PRPSAP2: variants seen among roughly 807,000 people sequenced by gnomAD.
The protein encoded by PRPSAP2 is phosphoribosyl pyrophosphate synthetase associated protein 2, also known as phosphoribosyl pyrophosphate synthase-associated protein 2.
Under a neutral mutation model 40.6 loss-of-function variants are expected in PRPSAP2, and 24 were observed. The ratio of observed to expected loss-of-function variants is 0.59; its 90% CI spans 0.43 to 0.83. The LOEUF (loss-of-function observed/expected upper bound fraction) is 0.83, where lower values mean the gene tolerates loss of function less well. PRPSAP2 is among the 40% of genes least tolerant of loss of function. The pLI, the probability that PRPSAP2 is intolerant of heterozygous loss-of-function variation, is 0.00. For synonymous variants in PRPSAP2, 149 were observed against 164.7 expected, an observed-to-expected ratio of 0.90 and a Z score of 0.73; for missense variants, 292 against 465.6, an observed-to-expected ratio of 0.63 and a Z score of 3.43.
At chr17:18,899,829 C>A (rs1371579821) in intron 8 of PRPSAP2, among the ~76,000 whole-genome samples, 1 of 151,980 alleles carries the variant, frequency 6.6e-6, no homozygotes, top group African/African-American at 2.4e-5. Flanking sequence ...AGCCACCACC[C>A]CCAGCCCAAC....
At chr17:18,929,358 A>AAAGAAT (rs1555566539) in intron 11 of PRPSAP2, among the ~76,000 whole-genome samples, 2 of 144,770 alleles carry the variant, frequency 1.4e-5, no homozygotes, top group African/African-American at 5.1e-5. Context: ...CTCTTGTCTC[A>AAAGAAT]AATAATAATA....
intron 10 of PRPSAP2, among the ~76,000 whole-genome samples, chr17:18,924,768 CAAAA>C (rs869181375): frequency 4.7e-5 from 4 of 84,728 alleles, no homozygotes; most frequent in African/African-American, 8.5e-5. Flanking sequence ...GGCTGTGTCT[CAAAA>C]AAAAAAAAAA....
intron 5 of PRPSAP2, among the ~76,000 whole-genome samples, chr17:18,877,028 A>G (rs2038350593): frequency 6.6e-6 from 1 of 151,074 alleles, no homozygotes. Flanking sequence ...GAAAGAGAGG[A>G]CACATGAGCA....
intron 8 of PRPSAP2, among the ~76,000 whole-genome samples, chr17:18,909,675 T>C (rs1237755961): frequency 6.6e-6 from 1 of 151,744 alleles, no homozygotes; most frequent in Non-Finnish European, 1.5e-5. Flanking sequence ...GAGGCCACGG[T>C]GGGCAGATCA....
chr17:18,903,927 A>G (rs2040431759), intron 8 of PRPSAP2, among the ~76,000 whole-genome samples: 1 of 152,130 alleles, frequency 6.6e-6, no homozygotes, highest in African/African-American at 2.4e-5. Flanking sequence ...GCCACATGCA[A>G]ATTCTGATCC....
chr17:18,929,303 G>C (rs1464333737), intron 11 of PRPSAP2, among the ~76,000 whole-genome samples: 8 of 151,918 alleles, frequency 5.3e-5, no homozygotes. Flanking sequence ...GCTGCAGTGA[G>C]CCGAGATTGT....
chr17:18,909,449 T>A (rs2040819605), intron 8 of PRPSAP2, among the ~76,000 whole-genome samples: 1 of 151,890 alleles, frequency 6.6e-6, no homozygotes, highest in African/African-American at 2.4e-5. Context: ...TTTCACCGTG[T>A]TAGCCAGGAT....
At chr17:18,895,724 C>G (rs1284204081) in intron 8 of PRPSAP2, among the ~76,000 whole-genome samples, 1 of 152,016 alleles carries the variant, frequency 6.6e-6, no homozygotes, top group East Asian at 1.9e-4. Context: ...CTCCTGGGTT[C>G]CAGCGATTCT....
chr17:18,927,830 A>G (rs1228805957), intron 10 of PRPSAP2, among the ~76,000 whole-genome samples: 1 of 152,052 alleles, frequency 6.6e-6, no homozygotes. Flanking sequence ...CCCAGGTTGG[A>G]GTGCAGTGGC....
intron 7 of PRPSAP2, 76 bp from the exon 8 acceptor site, chr17:18,889,743 CTAG>C: frequency 8.6e-7 from 1 of 1,167,602 alleles, no homozygotes; most frequent in African/African-American, 1.6e-5. Context: ...AAACTTTCAA[CTAG>C]CCAAGCATTT....
At chr17:18,887,040 G>A (rs962827769) in intron 7 of PRPSAP2, among the ~76,000 whole-genome samples, 65 of 142,550 alleles carry the variant, frequency 4.6e-4, no homozygotes, top group Admixed American at 4.6e-4. Flanking sequence ...AGGTTCAAGC[G>A]ATTCTCCTGC....
chr17:18,930,647 C>T lies in PRPSAP2; in HGVS notation c.1059C>T (p.His353=), dbSNP rs1239134061. 6.2e-7 allele frequency: 1 copy of T among 1,613,800 alleles called. No homozygotes were observed. Among genetic ancestry groups the T allele is most frequent in the South Asian group, 1.1e-5 (1 of 91,048 alleles). The change falls in exon 12 of 12, where the codon CAC becomes CAT. Residue 353 remains histidine (H), a synonymous_variant. Transcript: ENST00000268835. ...TTTCAGAGGCGATCCGTCGGATCCACAATGGGGAGTCCATGTCCTACCTTT... is the reference window on the plus strand; with the variant it reads ...TTTCAGAGGCGATCCGTCGGATCCATAATGGGGAGTCCATGTCCTACCTTT... ...MILSEAIRRI[H]NGESMSYLFR...
chr17:18,930,374 AAAATAAAT>A (rs1474705195), intron 11 of PRPSAP2, among the ~76,000 whole-genome samples, 158 bp from the exon 12 acceptor site: 5 of 152,154 alleles, frequency 3.3e-5, no homozygotes, highest in African/African-American at 1.2e-4. Flanking sequence ...ACTCCGTCTA[AAAATAAAT>A]AAATAAATAA....
At chr17:18,857,169 A>G (rs907831661), upstream of PRPSAP2, among the ~76,000 whole-genome samples, 7 of 151,998 alleles carry the variant, frequency 4.6e-5, no homozygotes, top group African/African-American at 1.4e-4. Context: ...CCCTGTCTCT[A>G]CTAAAAATAC....
At chr17:18,901,280 T>G (rs2040251740) in intron 8 of PRPSAP2, among the ~76,000 whole-genome samples, 1 of 152,176 alleles carries the variant, frequency 6.6e-6, no homozygotes, top group South Asian at 2.1e-4. Context: ...GCTACAAATC[T>G]GGGATAATAA....
intron 9 of PRPSAP2, among the ~76,000 whole-genome samples, chr17:18,912,048 G>A (rs2040991059): frequency 6.6e-6 from 1 of 152,178 alleles, no homozygotes; most frequent in Non-Finnish European, 1.5e-5. Flanking sequence ...CAAGTGTGGT[G>A]GCGTATGCCT....
chr17:18,930,422 T>A, intron 11 of PRPSAP2, 118 bp from the exon 12 acceptor site: 1 of 845,156 alleles, frequency 1.2e-6, no homozygotes, highest in Non-Finnish European at 1.8e-6. Flanking sequence ...GAGACATAGA[T>A]CCACTGTGTT....
intron 7 of PRPSAP2, among the ~76,000 whole-genome samples, chr17:18,885,454 A>C (rs1258608927): frequency 6.6e-6 from 1 of 150,858 alleles, no homozygotes; most frequent in African/African-American, 2.4e-5. Flanking sequence ...CTCAGTGTTA[A>C]AAAGGAATTT....
upstream of PRPSAP2, chr17:18,856,501 C>G (rs947111197): frequency 2.0e-5 from 3 of 147,784 alleles, no homozygotes; most frequent in African/African-American, 7.4e-5. Context: ...AGTTGTCAGG[C>G]AAAGGAAATG....
Sources: gnomAD v4.1 joint callset for allele counts (sites outside exome capture counted in the v4.1 genomes callset) on GRCh38, gnomAD v4.1.1 for gene constraint, MANE v1.5 for transcripts, NCBI Gene and HGNC (gene_info 2026-07-23, HGNC 2026-07-21) for gene names.